Variants in CDH22 observed in about 807,000 individuals in gnomAD.
The protein encoded by CDH22 is cadherin-22.
A neutral mutation model predicts 58.4 loss-of-function variants in CDH22; 30 were observed. The observed-to-expected ratio is 0.51, with a 90% CI of 0.38 to 0.70. CDH22 has a LOEUF of 0.70. CDH22 is among the 30% of genes least tolerant of loss of function. The pLI is 0.00. For missense variants in CDH22, 1,014 were observed against 1,233.9 expected (o/e 0.82, Z 2.67); for synonymous variants, 513 against 558.2 (o/e 0.92, Z 1.14).
In CDH22 at chr20:46,251,088, G is replaced by A; in HGVS notation, c.207C>T (p.Phe69=). 3.7e-6 allele frequency: 6 copies of A among 1,611,814 alleles called. No homozygotes were observed. The highest frequency in any genetic ancestry group is 5.1e-6 in the Non-Finnish European group (6 of 1,178,938). ...TGCCCGTGTACTCCTCTACCACGAA[G>A]AACTGGTTCCACACCCAGCCGCGTT... ...RVKRGWVWNQ[F]FVVEEYTGTE... The change falls in exon 2 of 12, where the codon TTC becomes TTT. Residue 69 remains phenylalanine (F), a synonymous_variant. Coordinates refer to ENST00000537909, the MANE Select transcript of CDH22 (RefSeq NM_021248.3). This position sits in a 1 kb window ranked among gnomAD's most constrained non-coding sequence, Gnocchi z 6.7.
At chr20:46,220,322 GAAC>G (rs1313588160) in intron 4 of CDH22, 1 of 144,858 alleles carries the variant, frequency 6.9e-6, no homozygotes, top group Admixed American at 7.2e-5. Flanking sequence ...AATGGGCAAA[GAAC>G]AACTGAGAGA....
intron 7 of CDH22, among the ~76,000 whole-genome samples, chr20:46,203,605 T>C (rs1354573655): frequency 1.3e-5 from 2 of 152,202 alleles, no homozygotes; most frequent in Non-Finnish European, 2.9e-5. Context: ...ACTTTGTAAG[T>C]TGTCGGGAGA....
chr20:46,303,270 T>C (rs772338447), intron 1 of CDH22, among the ~76,000 whole-genome samples: 27 of 152,194 alleles, frequency 1.8e-4, no homozygotes, highest in Non-Finnish European at 2.6e-4. Context: ...CCCCTTGGCA[T>C]GGAGGCTGCC....
intron 1 of CDH22, among the ~76,000 whole-genome samples, chr20:46,303,248 G>A (rs560288969): frequency 6.6e-6 from 1 of 152,202 alleles, no homozygotes; most frequent in African/African-American, 2.4e-5. Flanking sequence ...CCCTCCCCTT[G>A]GGGCCTTGGT....
intron 1 of CDH22, among the ~76,000 whole-genome samples, chr20:46,270,971 G>A (rs1600722891): frequency 6.6e-6 from 1 of 152,188 alleles, no homozygotes; most frequent in African/African-American, 2.4e-5. Context: ...GGTTCGTTGT[G>A]AAGCTTGAAT....
chr20:46,226,060 C>G (rs924711379), intron 4 of CDH22, among the ~76,000 whole-genome samples: 16 of 152,144 alleles, frequency 1.1e-4, no homozygotes, highest in South Asian at 4.2e-4. Context: ...CACACCAGCA[C>G]AGTCAGGCCC....
At chr20:46,203,162 C>G (rs1304551084) in intron 7 of CDH22, among the ~76,000 whole-genome samples, 1 of 152,260 alleles carries the variant, frequency 6.6e-6, no homozygotes, top group South Asian at 2.1e-4. Context: ...CGGGGACCCG[C>G]CATTAACTAG....
intron 10 of CDH22, among the ~76,000 whole-genome samples, chr20:46,185,832 T>A (rs1044945254): frequency 1.3e-5 from 2 of 152,194 alleles, no homozygotes; most frequent in African/African-American, 4.8e-5. Flanking sequence ...ACCACTGCAC[T>A]GCTGCCTGGG....
At chr20:46,264,562 G>T (rs188294663) in intron 1 of CDH22, among the ~76,000 whole-genome samples, 247 of 152,252 alleles carry the variant, frequency 1.6e-3, no homozygotes, top group Admixed American at 3.1e-3. Flanking sequence ...CAGTGGCTCA[G>T]AGAGGTTGAG....
chr20:46,251,258 C>T lies in CDH22; in HGVS notation c.37G>A (p.Gly13Arg). ...PRPEGRGLRA[G>R]VALSPALLLL... ...AGTAGCGCGGGGGACAGCGCGACTC[C>T]CGCCCGGAGCCCCCTACCTTCGGGC... Residue 13 changes from glycine to arginine, a missense_variant, in exon 2 of 12, where the codon GGA (glycine) becomes AGA (arginine). Around this residue, in one of 2 missense-constraint regions of CDH22, gnomAD observed 806 missense variants for 1,038.7 expected, o/e 0.78. Transcript: ENST00000537909. The surrounding 1 kb of genome is among the most constrained non-coding windows in gnomAD (Gnocchi z 6.7). The T allele has an allele frequency of 1.4e-6, 2 of 1,465,122 alleles. No individual in the cohort carries two copies. Among genetic ancestry groups the T allele is most frequent in the South Asian group, 2.6e-5 (2 of 75,658 alleles). The allele number at this position is 1,465,122 out of a possible 1,614,324, so 90.8% of individuals were successfully genotyped here.
rs191959967 is a variant in CDH22, at chr20:46,268,086, G to A, written c.-399-16393C>T. Among the ~76,000 whole-genome samples, 262 of 152,376 alleles carry A rather than the reference G, an allele frequency of 1.7e-3. 1 individual carries two copies. The highest frequency in any genetic ancestry group is 0.017 in the Middle Eastern group (5 of 294). ...GACATGGGTTTCTGTCCCCTCACCC[G>A]CCTAAAGGCATGACGTGGGGTGAGG... On this transcript the variant is annotated intron_variant, in intron 1 of 11. Coordinates refer to ENST00000537909, the MANE Select transcript of CDH22 (RefSeq NM_021248.3).
At chr20:46,290,511 G>A (rs2086596304) in intron 1 of CDH22, among the ~76,000 whole-genome samples, 1 of 152,218 alleles carries the variant, frequency 6.6e-6, no homozygotes, top group Non-Finnish European at 1.5e-5. Context: ...TTCTCTGAAG[G>A]GTTAGCCAAG....
chr20:46,278,217 C>A (rs954528953), intron 1 of CDH22, among the ~76,000 whole-genome samples: 6 of 152,194 alleles, frequency 3.9e-5, no homozygotes, highest in African/African-American at 9.7e-5. Context: ...TGGGGGCAGT[C>A]CCCAGCTTTG....
chr20:46,176,063 C>T lies in CDH22; in HGVS notation c.1916-986G>A, dbSNP rs1462840159. Among the ~76,000 whole-genome samples the T allele has an allele frequency of 3.9e-5, 6 of 152,318 alleles. No homozygotes were observed. The East Asian group carries it at 1.2e-3, about 29-fold the overall frequency. ...CTTTCTTCACTTGATTTCCAGGACT[C>T]CACATTCTCCTCCTCCTCCCACCTC... On this transcript the variant is annotated intron_variant, in intron 11 of 11. Transcript: ENST00000537909.
At chr20:46,285,428 G>T (rs968137526) in intron 1 of CDH22, among the ~76,000 whole-genome samples, 28 of 152,172 alleles carry the variant, frequency 1.8e-4, no homozygotes, top group African/African-American at 6.8e-4. Context: ...CATTTGCAAC[G>T]TCTGGAGACA....
chr20:46,270,381 C>T (rs2086480877), intron 1 of CDH22, among the ~76,000 whole-genome samples: 1 of 152,158 alleles, frequency 6.6e-6, no homozygotes, highest in African/African-American at 2.4e-5. Context: ...AGGGCCCCAT[C>T]TGGGGTGACA....
At chr20:46,280,362 G>T (rs1168772073) in intron 1 of CDH22, among the ~76,000 whole-genome samples, 1 of 152,224 alleles carries the variant, frequency 6.6e-6, no homozygotes, top group East Asian at 1.9e-4. Flanking sequence ...GGAGGTTGCA[G>T]TGAGCTGAGA....
At chr20:46,305,177 G>A (rs984224298) in intron 1 of CDH22, among the ~76,000 whole-genome samples, 2 of 152,202 alleles carry the variant, frequency 1.3e-5, no homozygotes, top group Non-Finnish European at 2.9e-5. Flanking sequence ...TTTCTTGTTA[G>A]GCCTTGTCTC....
At chr20:46,265,328 T>A (rs1471612964) in intron 1 of CDH22, among the ~76,000 whole-genome samples, 1 of 152,142 alleles carries the variant, frequency 6.6e-6, no homozygotes, top group African/African-American at 2.4e-5. Flanking sequence ...CTCCTCTTTC[T>A]CTACTTTTCA....
Sources: gnomAD v4.1 joint callset for allele counts (sites outside exome capture counted in the v4.1 genomes callset) on GRCh38, gnomAD v4.1.1 for gene constraint, gnomAD v4.1.1 regional missense constraint, Gnocchi (gnomAD v3.1) non-coding constraint, MANE v1.5 for transcripts, NCBI Gene and HGNC (gene_info 2026-07-23, HGNC 2026-07-21) for gene names.